Variants in SIPA1L2 observed in about 807,000 individuals in gnomAD.
The protein encoded by SIPA1L2 is signal induced proliferation associated 1 like 2.
SIPA1L2 carries 56 observed loss-of-function variants against 163.9 expected under a neutral mutation model. That is an observed-to-expected ratio of 0.34 (90% CI 0.28 to 0.43). SIPA1L2 has a LOEUF of 0.43. SIPA1L2 is among the 20% of genes least tolerant of loss of function. The probability of loss-of-function intolerance (pLI) is 1.00; values close to 1 mark genes in which losing one functional copy is unlikely to be tolerated. For missense variants in SIPA1L2, 1,974 were observed against 2,193.5 expected, an observed-to-expected ratio of 0.90 and a Z score of 2.00; for synonymous variants, 877 against 865.7, an observed-to-expected ratio of 1.01 and a Z score of -0.23.
At chr1:232,471,291 G>A in intron 8 of SIPA1L2, 80 bp downstream of exon 8, 1 of 1,433,128 alleles carries the variant, frequency 7.0e-7, no homozygotes, top group South Asian at 1.3e-5. Context: ...ATAATAATTG[G>A]CAAACAAAGA....
chr1:232,466,323 T>C (rs1398720123), intron 8 of SIPA1L2, among the ~76,000 whole-genome samples: 3 of 152,238 alleles, frequency 2.0e-5, no homozygotes, highest in Admixed American at 1.3e-4. Flanking sequence ...GAAGGTTTTA[T>C]GGGAGCAAAG....
chr1:232,610,654 C>A (rs999162904), intron 1 of SIPA1L2, among the ~76,000 whole-genome samples: 1 of 152,136 alleles, frequency 6.6e-6, no homozygotes, highest in African/African-American at 2.4e-5. Flanking sequence ...CAATGACGAA[C>A]TCAGGCACCT....
intron 1 of SIPA1L2, among the ~76,000 whole-genome samples, chr1:232,613,857 G>A (rs1236171734): frequency 6.6e-6 from 1 of 152,146 alleles, no homozygotes; most frequent in Non-Finnish European, 1.5e-5. Context: ...AGCTAGGATG[G>A]GTTTGAACAC....
intron 2 of SIPA1L2, among the ~76,000 whole-genome samples, chr1:232,537,481 C>A (rs1657381555): frequency 6.6e-6 from 1 of 151,272 alleles, no homozygotes; most frequent in Admixed American, 6.6e-5. Context: ...TACTAAAATT[C>A]AAAAGATAAA....
intron 10 of SIPA1L2, among the ~76,000 whole-genome samples, chr1:232,448,390 A>C (rs551726801): frequency 2.2e-4 from 34 of 152,310 alleles, no homozygotes; most frequent in African/African-American, 8.2e-4. Flanking sequence ...AACAACAACA[A>C]CACTTCCTAA....
intron 3 of SIPA1L2, among the ~76,000 whole-genome samples, chr1:232,495,564 C>CA (rs386369969): frequency 0.026 from 2,626 of 100,254 alleles, 79 homozygotes; most frequent in African/African-American, 0.077. Context: ...GACTCCGTCT[C>CA]AAAAAAAAAA....
chr1:232,486,937 G>A (rs1406832464), intron 5 of SIPA1L2, among the ~76,000 whole-genome samples: 1 of 152,142 alleles, frequency 6.6e-6, no homozygotes, highest in African/African-American at 2.4e-5. Context: ...CTCAGACCAA[G>A]GCTTCATTAA....
intron 10 of SIPA1L2, among the ~76,000 whole-genome samples, chr1:232,459,358 T>C (rs1664103122): frequency 6.6e-6 from 1 of 151,766 alleles, no homozygotes; most frequent in Non-Finnish European, 1.5e-5. Flanking sequence ...TAATGGAGAG[T>C]GCTGGCTTAA....
At chr1:232,410,545 A>AATAT (rs35712001) in intron 19 of SIPA1L2, among the ~76,000 whole-genome samples, 9 of 148,884 alleles carry the variant, frequency 6.0e-5, no homozygotes, top group Non-Finnish European at 1.0e-4. Context: ...TGAATTTCAA[A>AATAT]ATATATATAT....
intron 1 of SIPA1L2, among the ~76,000 whole-genome samples, chr1:232,606,513 G>A (rs919590059): frequency 1.3e-5 from 2 of 151,646 alleles, no homozygotes; most frequent in Non-Finnish European, 2.9e-5. Flanking sequence ...GTAGCAATGC[G>A]GAAAAATATT....
intron 1 of SIPA1L2, among the ~76,000 whole-genome samples, chr1:232,588,994 CT>C (rs1660825973): frequency 6.6e-6 from 1 of 151,786 alleles, no homozygotes; most frequent in Admixed American, 6.6e-5. Context: ...TAAACAAAAA[CT>C]CTTTGGAGTC....
intron 2 of SIPA1L2, among the ~76,000 whole-genome samples, chr1:232,516,992 T>C (rs936218729): frequency 1.3e-5 from 2 of 152,092 alleles, no homozygotes; most frequent in Non-Finnish European, 2.9e-5. Flanking sequence ...AGAAAAATAT[T>C]TGTAATTAAA....
chr1:232,478,124 A>G (rs944865543), intron 7 of SIPA1L2, among the ~76,000 whole-genome samples: 9 of 152,218 alleles, frequency 5.9e-5, no homozygotes, highest in African/African-American at 1.9e-4. Flanking sequence ...ATTGCAAATA[A>G]ATTCTTGAGA....
Position 232,403,554 on chromosome 1 carries a change from A to C in SIPA1L2, c.4834T>G (p.Phe1612Val). ...TSYLDQRVAS[F>V]CTLTDMQHGQ... ...TGCTGCATATCTGTCAGGGTGCAGA[A>C]GGATGCCACCCTCTGGTCTGGGGAG... The change falls in exon 21 of 23, where the codon TTC becomes GTC. Residue 1612 changes from phenylalanine to valine, a missense_variant. Coordinates refer to ENST00000674635, the MANE Select transcript of SIPA1L2 (RefSeq NM_020808.5). The C allele has an allele frequency of 6.2e-7, 1 of 1,613,806 alleles. No homozygotes were observed. The highest frequency in any genetic ancestry group is 1.3e-5 in the African/African-American group (1 of 75,058).
Position 232,474,763 on chromosome 1 carries a change from T to A in SIPA1L2, c.2086-3235A>T, listed in dbSNP as rs186225267. On this transcript the variant is annotated intron_variant, in intron 7 of 22. Coordinates refer to ENST00000674635, the MANE Select transcript of SIPA1L2 (RefSeq NM_020808.5). ...TATTATATATCAGTAAAAAAAAAAA[T>A]TTTAACGAGAGGAAAAAACTCAAAA... is the stretch of plus-strand genomic sequence containing the variant. Among the ~76,000 whole-genome samples the A allele has an allele frequency of 4.6e-3, 697 of 151,330 alleles. 8 individuals are homozygous for A. The highest frequency in any genetic ancestry group is 0.016 in the African/African-American group (665 of 41,202).
At chr1:232,432,540 C>A in intron 15 of SIPA1L2, 69 bp from the exon 16 acceptor site, 1 of 1,459,734 alleles carries the variant, frequency 6.9e-7, no homozygotes, top group East Asian at 2.3e-5. Context: ...CGGCCAAATT[C>A]AGAGCCACAA....
chr1:232,468,513 C>T (rs953056054), intron 8 of SIPA1L2, among the ~76,000 whole-genome samples: 3 of 152,106 alleles, frequency 2.0e-5, no homozygotes, highest in Non-Finnish European at 4.4e-5. Context: ...GTAAAATGGA[C>T]GGTAAAATAG....
chr1:232,442,025 C>G (rs548851080), intron 12 of SIPA1L2, among the ~76,000 whole-genome samples, 157 bp from the exon 13 acceptor site: 4 of 152,018 alleles, frequency 2.6e-5, no homozygotes, highest in Non-Finnish European at 4.4e-5. Flanking sequence ...AGCTCAGCCC[C>G]GCCAGAGAAG....
chr1:232,615,633 A>T (rs1423494916), intron 1 of SIPA1L2, among the ~76,000 whole-genome samples: 1 of 152,230 alleles, frequency 6.6e-6, no homozygotes, highest in African/African-American at 2.4e-5. Flanking sequence ...AATTTTAAAC[A>T]GGGACTAGGT....
Sources: allele counts gnomAD v4.1 joint callset (sites outside exome capture counted in the v4.1 genomes callset), GRCh38; gene constraint gnomAD v4.1.1; transcripts MANE v1.5; gene names NCBI Gene and HGNC (gene_info 2026-07-23, HGNC 2026-07-21).